The following EPG5 variants were observed in gnomAD, a reference collection of about 807,000 sequenced individuals.
The protein encoded by EPG5 is ectopic P granules protein 5 homolog.
EPG5 carries 159 observed loss-of-function variants against 302.7 expected under a neutral mutation model. The ratio of observed to expected loss-of-function variants is 0.53; its 90% confidence interval spans 0.46 to 0.60. The LOEUF (loss-of-function observed/expected upper bound fraction) is 0.60, where lower values mean the gene tolerates loss of function less well. Ranked by LOEUF, EPG5 falls within the 20% of genes least tolerant of loss-of-function variation. The pLI is 0.00. For missense variants in EPG5, 2,896 were observed against 3,092.4 expected (o/e 0.94, Z 1.51); for synonymous variants, 1,158 against 1,136.8 (o/e 1.02, Z -0.37).
chr18:45,954,343 C>G, intron 2 of EPG5, 51 bp downstream of exon 2: 2 of 1,502,700 alleles, frequency 1.3e-6, no homozygotes. Flanking sequence ...TGGACAACAT[C>G]CCAGGAATAG....
rs373402310 is a variant in EPG5 at position 45,922,384 on chromosome 18, T to C, written c.3055A>G (p.Ile1019Val). ...ATAGATAAGGCTAGATAACAGCCAA[T>C]GGGCATGCCCGCTTTCACAGCCTTC... ...LLKAVKAGMP[I>V]GCYLALSMTA... Residue 1019 changes from isoleucine (I) to valine (V), a missense_variant, in exon 16 of 44, where the codon ATT (isoleucine) becomes GTT (valine). By Grantham distance (29) the Ile-to-Val change is conservative. Transcript: ENST00000282041. 39 of 1,614,184 alleles carry C rather than the reference T, an allele frequency of 2.4e-5. No individual in the cohort carries two copies. The African/African-American group carries it at 4.8e-4, about 20-fold the overall frequency.
chr18:45,829,447 A>G, the EPG5 span, among the ~76,000 whole-genome samples: 1 of 152,204 alleles, frequency 6.6e-6, no homozygotes, highest in Admixed American at 6.5e-5. Context: ...AAGCCCAGAG[A>G]AAGATTTGCA....
At chr18:45,805,173 T>C in the EPG5 span, among the ~76,000 whole-genome samples, 2 of 152,198 alleles carry the variant, frequency 1.3e-5, no homozygotes, top group East Asian at 1.9e-4. Context: ...AAATGCAATA[T>C]GGTACCCTAG....
chr18:45,905,275 T>C (rs1466873801), intron 24 of EPG5, among the ~76,000 whole-genome samples: 1 of 152,190 alleles, frequency 6.6e-6, no homozygotes, highest in African/African-American at 2.4e-5. Context: ...GACTATGGGT[T>C]TGTGGACCGT....
the EPG5 span, among the ~76,000 whole-genome samples, chr18:45,824,521 T>C: frequency 6.6e-6 from 1 of 152,192 alleles, no homozygotes. Flanking sequence ...AACAATGAAA[T>C]GTCATGAAAG....
chr18:45,852,236 T>A lies in EPG5; in HGVS notation c.*231A>T, dbSNP rs1477953047. ...TTAGTAAGTTTCTCTTGTGGATAAA[T>A]ATAAAAACTTAAAGAGTCCCCAGAA... On this transcript the variant is annotated 3_prime_UTR_variant, in exon 44 of 44. Transcript: ENST00000282041. 1 of 385,684 alleles carries A rather than the reference T, an allele frequency of 2.6e-6. No homozygotes were observed. Among genetic ancestry groups the A allele is most frequent in the Non-Finnish European group, 4.6e-6 (1 of 217,844 alleles). The allele number at this position is 385,684 out of a possible 1,614,324, so 23.9% of individuals were successfully genotyped here. A position where few individuals can be genotyped will look rare whatever the true frequency, so the allele number is the denominator to read the frequency against.
the EPG5 span, among the ~76,000 whole-genome samples, chr18:45,831,651 G>A: frequency 6.6e-6 from 1 of 152,146 alleles, no homozygotes; most frequent in African/African-American, 2.4e-5. Flanking sequence ...GAAATTCCAG[G>A]TGAGTTAAGG....
rs1280997324 is a variant in EPG5 at position 45,955,076 on chromosome 18, G to C, written c.326C>G (p.Ala109Gly). The C allele has an allele frequency of 6.2e-7, 1 of 1,614,020 alleles. No individual in the cohort carries two copies. ...TGCACTGTCCCCCACACAGGGTCTG[G>C]CCTCTCCCCCTTCCTTTGGGGGCTC... is the stretch of plus-strand genomic sequence containing the variant. ...NTEPPKEGGEARPCVGDSAVT... is the reference protein window; with the variant it reads ...NTEPPKEGGEGRPCVGDSAVT... Residue 109 changes from alanine to glycine, a missense_variant, in exon 2 of 44, where the codon GCC (alanine) becomes GGC (glycine). By Grantham distance (60) the Ala-to-Gly change is moderately conservative (BLOSUM62 0). Around this residue, in one of 5 missense-constraint regions of EPG5, gnomAD observed 1,390 missense variants for 1,430.0 expected, o/e 0.97. Coordinates refer to ENST00000282041, the MANE Select transcript of EPG5 (RefSeq NM_020964.3).
At position 45,889,942 on chromosome 18, in the gene EPG5, T is replaced by G; in HGVS notation, c.4810-2A>C. On this transcript the variant is annotated splice_acceptor_variant, in intron 27 of 43. Coordinates refer to ENST00000282041, the MANE Select transcript of EPG5 (RefSeq NM_020964.3). LOFTEE classifies it high-confidence loss of function. ...TTCATTCTTATGCATGCCTTCAAAC[T>G]AACAAAAATTAAAGTTATCAAAAGA... 7 of 1,565,382 alleles carry G rather than the reference T, an allele frequency of 4.5e-6. No homozygotes were observed. The highest frequency in any genetic ancestry group is 6.1e-6 in the Non-Finnish European group (7 of 1,153,130).
intron 36 of EPG5, 89 bp downstream of exon 36, chr18:45,870,478 C>T: frequency 4.2e-6 from 5 of 1,185,290 alleles, no homozygotes; most frequent in African/African-American, 1.5e-5. Context: ...CTAGCACACA[C>T]TGCCACTATG....
intron 27 of EPG5, among the ~76,000 whole-genome samples, chr18:45,893,566 A>T (rs921816992): frequency 6.6e-6 from 1 of 150,480 alleles, no homozygotes; most frequent in African/African-American, 2.4e-5. Context: ...AAAAAAAAAA[A>T]GTTAAGTTGG....
chr18:45,884,772 G>A lies in EPG5; in HGVS notation c.5149C>T (p.Leu1717Phe). The part of the protein sequence containing the change: ...SGIKSECRKV[L>F]ETILKNSRLC... Reference sequence around the variant, plus strand: ...CTGCTGTTCTTCAGAATGGTTTCAAGTACTTTTCTGCACTCTGATTTAATG... The same window carrying A: ...CTGCTGTTCTTCAGAATGGTTTCAAATACTTTTCTGCACTCTGATTTAATG... The change falls in exon 30 of 44, where the codon CTT (leucine) becomes TTT (phenylalanine). Residue 1717 changes from leucine (L) to phenylalanine (F), a missense_variant. This residue lies in a region of EPG5 where 790 missense variants were observed against 798.0 expected (regional missense o/e 0.99). Transcript: ENST00000282041. 1.3e-6 allele frequency: 2 copies of A among 1,583,484 alleles called. No individual in the cohort carries two copies. Among genetic ancestry groups the A allele is most frequent in the Non-Finnish European group, 1.7e-6 (2 of 1,170,522 alleles).
At chr18:45,917,866 TA>T (rs770168909) in intron 16 of EPG5, 47 bp from the exon 17 acceptor site, 1 of 1,605,986 alleles carries the variant, frequency 6.2e-7, no homozygotes, top group African/African-American at 1.3e-5. Context: ...AGCTGGTTCA[TA>T]AAATTCTGTT....
chr18:45,901,342 T>C (rs2049613128), intron 25 of EPG5, among the ~76,000 whole-genome samples, 175 bp from the exon 26 acceptor site: 1 of 152,198 alleles, frequency 6.6e-6, no homozygotes. Flanking sequence ...TTGCATGACA[T>C]GCTAACAAGT....
the EPG5 span, among the ~76,000 whole-genome samples, chr18:45,813,919 A>T: frequency 1.3e-5 from 2 of 152,168 alleles, no homozygotes; most frequent in Non-Finnish European, 2.9e-5. Flanking sequence ...ATAATAATTT[A>T]AAAAATTAAA....
At chr18:45,870,448 G>T in intron 36 of EPG5, 119 bp downstream of exon 36, 2 of 774,320 alleles carry the variant, frequency 2.6e-6, no homozygotes, top group Non-Finnish European at 3.8e-6. Flanking sequence ...AGGCAACACA[G>T]AATGTATTCA....
chr18:45,816,808 C>G, the EPG5 span, among the ~76,000 whole-genome samples: 1 of 152,178 alleles, frequency 6.6e-6, no homozygotes, highest in Non-Finnish European at 1.5e-5. Flanking sequence ...AAAAAAGATA[C>G]TTGCACACGC....
chr18:45,905,852 T>C (rs921580690), intron 24 of EPG5, among the ~76,000 whole-genome samples: 78 of 152,216 alleles, frequency 5.1e-4, no homozygotes, highest in African/African-American at 1.8e-3. Context: ...ACCTACCATG[T>C]ACAAAGCCTT....
chr18:45,883,185 A>G (rs1166202320), intron 30 of EPG5, among the ~76,000 whole-genome samples: 1 of 152,134 alleles, frequency 6.6e-6, no homozygotes, highest in Non-Finnish European at 1.5e-5. Context: ...TGTTCCTCAG[A>G]GTCTCATACA....
Sources: allele counts gnomAD v4.1 joint callset (sites outside exome capture counted in the v4.1 genomes callset), GRCh38; gene constraint gnomAD v4.1.1; regional missense constraint gnomAD v4.1.1; transcripts MANE v1.5; gene names NCBI Gene and HGNC (gene_info 2026-07-23, HGNC 2026-07-21).